The following GALNT17 variants were observed in gnomAD, a reference collection of about 807,000 sequenced individuals.
GALNT17 encodes the protein polypeptide N-acetylgalactosaminyltransferase 17, also known as UDP-GalNAc:polypeptide N-acetylgalactosaminyltransferase-like 3.
GALNT17 carries 29 observed loss-of-function variants against 63.7 expected under a neutral mutation model. That is an observed-to-expected ratio of 0.46 (90% CI 0.34 to 0.62). The LOEUF (loss-of-function observed/expected upper bound fraction) is 0.62. GALNT17 is among the 20% of genes least tolerant of loss of function. The pLI, the probability that GALNT17 is intolerant of heterozygous loss-of-function variation, is 0.01. For missense variants in GALNT17, 603 were observed against 799.6 expected (o/e 0.75, Z 2.97); for synonymous variants, 305 against 318.3 (o/e 0.96, Z 0.45).
intron 1 of GALNT17, among the ~76,000 whole-genome samples, chr7:71,254,236 A>G (rs11772787): frequency 0.28 from 42,374 of 152,062 alleles, 6,234 homozygotes; most frequent in South Asian, 0.38. Flanking sequence ...GTTATGATAG[A>G]TTCTTGTGGA....
At chr7:71,345,235 A>G (rs1244661854) in intron 2 of GALNT17, among the ~76,000 whole-genome samples, 1 of 149,258 alleles carries the variant, frequency 6.7e-6, no homozygotes, top group Non-Finnish European at 1.5e-5. Context: ...ATTATCTCGT[A>G]CTGTGAGGGA....
chr7:71,578,344 T>A (rs1222256311), intron 6 of GALNT17, among the ~76,000 whole-genome samples: 1 of 152,102 alleles, frequency 6.6e-6, no homozygotes, highest in African/African-American at 2.4e-5. Context: ...CCTACAATTT[T>A]TATATATATA....
intron 3 of GALNT17, among the ~76,000 whole-genome samples, chr7:71,409,083 A>G (rs1473384228): frequency 6.6e-6 from 1 of 151,444 alleles, no homozygotes; most frequent in Non-Finnish European, 1.5e-5. Context: ...AAAAGATTCC[A>G]GTTTTGGAAA....
At chr7:71,377,378 TAGG>T (rs201963898) in intron 2 of GALNT17, among the ~76,000 whole-genome samples, 775 of 70,912 alleles carry the variant, frequency 0.011, 16 homozygotes, top group East Asian at 0.061. Context: ...TAAATATTAA[TAGG>T]AGCCAGGCTG....
intron 6 of GALNT17, among the ~76,000 whole-genome samples, chr7:71,646,865 C>T (rs10278326): frequency 4.0e-5 from 6 of 150,122 alleles, no homozygotes; most frequent in African/African-American, 1.5e-4. Flanking sequence ...TCCTGCCTCA[C>T]CCTCCTGAGT....
rs911535684 is a variant in GALNT17 at position 71,319,622 on chromosome 7, G to T, written c.239-15928G>T. Among the ~76,000 whole-genome samples, 3 of 152,044 alleles carry T rather than the reference G, an allele frequency of 2.0e-5. 1 individual carries two copies. Among genetic ancestry groups the T allele is most frequent in the Non-Finnish European group, 4.4e-5 (3 of 68,026 alleles). On this transcript the variant is annotated intron_variant, in intron 1 of 10. Coordinates refer to ENST00000333538, the MANE Select transcript of GALNT17 (RefSeq NM_022479.3). ...ACAGCTTCATTTGGATGTCTACTAG[G>T]CACCTCCAATGTTGTATGTCCCAAC...
chr7:71,424,761 G>A (rs1786728115), intron 5 of GALNT17, among the ~76,000 whole-genome samples: 1 of 152,196 alleles, frequency 6.6e-6, no homozygotes, highest in South Asian at 2.1e-4. Context: ...TCTTAAACAT[G>A]AGGACATGGC....
chr7:71,593,585 C>A (rs1274264116), intron 6 of GALNT17, among the ~76,000 whole-genome samples: 1 of 152,072 alleles, frequency 6.6e-6, no homozygotes, highest in African/African-American at 2.4e-5. Flanking sequence ...TTGACTCTCA[C>A]CCTTGAAGCT....
At chr7:71,569,929 A>G (rs1562694827) in intron 5 of GALNT17, among the ~76,000 whole-genome samples, 2 of 152,116 alleles carry the variant, frequency 1.3e-5, no homozygotes, top group Non-Finnish European at 2.9e-5. Flanking sequence ...TGGTAGTTCT[A>G]TTTTTAGTTC....
chr7:71,298,071 G>C (rs917846616), intron 1 of GALNT17, among the ~76,000 whole-genome samples: 7 of 152,058 alleles, frequency 4.6e-5, no homozygotes, highest in Non-Finnish European at 7.3e-5. Flanking sequence ...CTCAGGCTGG[G>C]GTGCAGAGGC....
At chr7:71,641,155 A>G (rs1790597559) in intron 6 of GALNT17, among the ~76,000 whole-genome samples, 1 of 152,226 alleles carries the variant, frequency 6.6e-6, no homozygotes, top group African/African-American at 2.4e-5. Flanking sequence ...CCCAATAACC[A>G]TGATCTCAGG....
chr7:71,159,038 C>T lies in GALNT17; in HGVS notation c.238+25998C>T, dbSNP rs528745914. 2.0e-5 allele frequency among the ~76,000 whole-genome samples: 3 copies of T among 151,840 alleles called. 1 individual carries two copies. The highest frequency in any genetic ancestry group is 7.3e-5 in the African/African-American group (3 of 41,168). ...TATATCAGCTTATTATAATATTGAT[C>T]TCATGCTTTTACAAGCTAATACCCT... On this transcript the variant is annotated intron_variant, in intron 1 of 10. Transcript: ENST00000333538.
chr7:71,448,547 C>T (rs780519427), intron 5 of GALNT17, among the ~76,000 whole-genome samples: 3 of 152,014 alleles, frequency 2.0e-5, no homozygotes, highest in Non-Finnish European at 4.4e-5. Flanking sequence ...TCTGCTTTTA[C>T]ATTTTTAATT....
chr7:71,397,440 G>A (rs1037258805), intron 3 of GALNT17, among the ~76,000 whole-genome samples: 2 of 152,218 alleles, frequency 1.3e-5, no homozygotes, highest in Non-Finnish European at 2.9e-5. Flanking sequence ...AGAGATACGA[G>A]ATATGATACA....
chr7:71,252,661 T>C (rs1426318351), intron 1 of GALNT17, among the ~76,000 whole-genome samples: 1 of 152,130 alleles, frequency 6.6e-6, no homozygotes. Context: ...CCAGACCCAT[T>C]AGAGAGTGTT....
intron 6 of GALNT17, among the ~76,000 whole-genome samples, chr7:71,648,429 C>T (rs1255824272): frequency 6.6e-6 from 1 of 151,918 alleles, no homozygotes; most frequent in Non-Finnish European, 1.5e-5. Context: ...TGCCACCATG[C>T]CCAGATAACG....
chr7:71,643,340 T>C (rs1790630218), intron 6 of GALNT17, among the ~76,000 whole-genome samples: 1 of 151,966 alleles, frequency 6.6e-6, no homozygotes, highest in African/African-American at 2.4e-5. Context: ...TGGTGGCGTG[T>C]GCCTGTAATC....
chr7:71,684,391 C>G (rs1791319364), intron 9 of GALNT17, among the ~76,000 whole-genome samples: 1 of 152,174 alleles, frequency 6.6e-6, no homozygotes, highest in Admixed American at 6.5e-5. Flanking sequence ...CTTTCTCAGC[C>G]CTGAACGCCC....
intron 6 of GALNT17, among the ~76,000 whole-genome samples, chr7:71,604,392 T>C (rs966867729): frequency 6.6e-6 from 1 of 152,170 alleles, no homozygotes; most frequent in African/African-American, 2.4e-5. Context: ...GGTAGTGTGC[T>C]AAGTGCGTAC....
Sources: gnomAD v4.1 joint callset for allele counts (sites outside exome capture counted in the v4.1 genomes callset) on GRCh38, gnomAD v4.1.1 for gene constraint, MANE v1.5 for transcripts, NCBI Gene and HGNC (gene_info 2026-07-23, HGNC 2026-07-21) for gene names.